The following SUPT16H variants were observed in gnomAD, a reference collection of about 807,000 sequenced individuals.
SUPT16H encodes SPT16 homolog, facilitates chromatin remodeling subunit.
In SUPT16H, 24 loss-of-function variants were observed where a neutral mutation model predicts 136.2. The observed-to-expected ratio is 0.18, with a 90% CI of 0.13 to 0.25. The LOEUF is 0.25. Ranked by LOEUF, SUPT16H falls within the 10% of genes least tolerant of loss-of-function variation. The pLI is 1.00. For synonymous variants in SUPT16H, 415 were observed against 428.2 expected (o/e 0.97, Z 0.38); for missense variants, 623 against 1,270.2 (o/e 0.49, Z 7.74).
At chr14:21,366,620 A>C in intron 7 of SUPT16H, 91 bp from the exon 8 acceptor site, 1 of 1,213,642 alleles carries the variant, frequency 8.2e-7, no homozygotes, top group Non-Finnish European at 1.2e-6. Context: ...CCCCTAAAGC[A>C]GTGTTTCTCA....
At chr14:21,360,110 T>C (rs1452768154) in intron 18 of SUPT16H, among the ~76,000 whole-genome samples, 3 of 152,136 alleles carry the variant, frequency 2.0e-5, no homozygotes, top group Non-Finnish European at 4.4e-5. Flanking sequence ...TCACTGCAAC[T>C]TCCGCCTCCC....
chr14:21,368,387 G>A lies in SUPT16H; in HGVS notation c.837C>T (p.Phe279=), dbSNP rs1266545438. ...GAACAAGGTTGGAGCAGTAAGACTT[G>A]AAGCGAATACCCATGGCACAAGTGA... ...GAITCAMGIR[F]KSYCSNLVRT... The change falls in exon 7 of 26, where the codon TTC becomes TTT. Residue 279 remains phenylalanine, a synonymous_variant. Transcript: ENST00000216297. 1 of 1,614,066 alleles carries A rather than the reference G, an allele frequency of 6.2e-7. No homozygotes were observed. Among genetic ancestry groups the A allele is most frequent in the East Asian group, 2.2e-5 (1 of 44,880 alleles).
At chr14:21,355,478 G>A (rs557448553) in intron 22 of SUPT16H, among the ~76,000 whole-genome samples, 192 of 136,230 alleles carry the variant, frequency 1.4e-3, no homozygotes, top group Non-Finnish European at 2.6e-3. Flanking sequence ...GGGCAACAGA[G>A]TGAGACTCTG....
intron 23 of SUPT16H, among the ~76,000 whole-genome samples, chr14:21,354,173 C>T (rs1886380183): frequency 6.6e-6 from 1 of 152,084 alleles, no homozygotes; most frequent in African/African-American, 2.4e-5. Flanking sequence ...AAGGATTTTT[C>T]CCTAAATGCT....
Position 21,362,968 on chromosome 14 carries a change from A to G in SUPT16H, c.1512-21T>C, listed in dbSNP as rs778405732. On this transcript the variant is annotated intron_variant, in intron 13 of 25. Transcript: ENST00000216297. The stretch of plus-strand genomic sequence containing the variant: ...GAGCTCTGGAGTGGGATAAAAAAAC[A>G]ACTGAGAAATTTCTGCAGTCCCACA... 3.7e-6 allele frequency: 6 copies of G among 1,613,020 alleles called. No individual in the cohort carries two copies. The Admixed American group carries it at 6.7e-5, about 18-fold the overall frequency.
At chr14:21,383,510 C>A (rs1459469930) in intron 1 of SUPT16H, 4 of 629,974 alleles carry the variant, frequency 6.3e-6, no homozygotes, top group Non-Finnish European at 1.1e-5. Context: ...AGGGACAGAG[C>A]GAGTGCGTGA....
intron 1 of SUPT16H, 79 bp downstream of exon 1, chr14:21,383,782 GA>G (rs750995548): frequency 1.1e-4 from 170 of 1,543,854 alleles, no homozygotes; most frequent in Non-Finnish European, 1.4e-4. Context: ...GACCGAAAGA[GA>G]AAAAAGGGCG....
At position 21,381,562 on chromosome 14, in the gene SUPT16H, GT is replaced by G. The variant is rs567730182; in HGVS notation, c.66+2299del. On this transcript the variant is annotated intron_variant, in intron 1 of 25. Transcript: ENST00000216297. ...TTTTTAGTTAATTTTAGTCATAACA[GT>G]TTTTTTTTTTAAGATGGAAGCTGAA... is the stretch of plus-strand genomic sequence containing the variant. Among the ~76,000 whole-genome samples, 466 of 144,956 alleles carry G rather than the reference GT, an allele frequency of 3.2e-3. 2 individuals are homozygous for G. The highest frequency in any genetic ancestry group is 9.5e-3 in the African/African-American group (376 of 39,772).
intron 15 of SUPT16H, 102 bp downstream of exon 15, chr14:21,362,095 A>T (rs1456739110): frequency 5.0e-6 from 7 of 1,411,404 alleles, no homozygotes; most frequent in Non-Finnish European, 6.7e-6. Context: ...GAAGGCTTTG[A>T]CATTTACTAG....
chr14:21,368,258 A>C lies in SUPT16H; in HGVS notation c.955+11T>G, dbSNP rs2139409182. On this transcript the variant is annotated intron_variant, in intron 7 of 25. Coordinates refer to ENST00000216297, the MANE Select transcript of SUPT16H (RefSeq NM_007192.4). ...CACAACTTTCAAACCTCCTTTTCTA[A>C]GGCACCTCACCATGTCTTAATTCCT... The C allele has an allele frequency of 6.2e-7, 1 of 1,601,648 alleles. No homozygotes were observed. Among genetic ancestry groups the C allele is most frequent in the East Asian group, 2.2e-5 (1 of 44,628 alleles).
chr14:21,369,637 T>C lies in SUPT16H; in HGVS notation c.630+113A>G, dbSNP rs1594305885. The stretch of plus-strand genomic sequence containing the variant: ...GGGAGATGATGTAATTACCACCAAC[T>C]TAAGTGTCAGTCTTAATTTCAAAGG... On this transcript the variant is annotated intron_variant, in intron 5 of 25. Coordinates refer to ENST00000216297, the MANE Select transcript of SUPT16H (RefSeq NM_007192.4). 34 of 1,373,160 alleles carry C rather than the reference T, an allele frequency of 2.5e-5. No individual in the cohort carries two copies. In the East Asian group the frequency reaches 7.8e-4, roughly 32 times the overall value. 85.1% of individuals were successfully genotyped at this position (1,373,160 alleles called of 1,614,324 possible).
rs150983279 is a variant in SUPT16H, at chr14:21,352,296, G to GT, written c.*376dup. 1,655 of 230,314 alleles carry GT rather than the reference G, an allele frequency of 7.2e-3. 24 individuals are homozygous for GT. Among genetic ancestry groups the GT allele is most frequent in the African/African-American group, 0.032 (1,431 of 45,316 alleles). The allele number at this position is 230,314 out of a possible 1,614,324, so 14.3% of individuals were successfully genotyped here. ...GTGCTGGTCAAGAACCATGATACGG[G>GT]TAATTAAGGGTCACCTTGTACCACT... On this transcript the variant is annotated 3_prime_UTR_variant, in exon 26 of 26. Transcript: ENST00000216297.
rs752851915 is a variant in SUPT16H, at chr14:21,352,811, T to C, written c.3006A>G (p.Arg1002=). 2.5e-6 allele frequency: 4 copies of C among 1,614,144 alleles called. No homozygotes were observed. Among genetic ancestry groups the C allele is most frequent in the Non-Finnish European group, 3.4e-6 (4 of 1,180,020 alleles). ...ELEEEARKAD[R]ESRYEEEEEQ... ...CTTCTTCTTCCTCGTAACGACTTTC[T>C]CGGTCCGCTAAATAGAAGAGGCATT... The change falls in exon 26 of 26, where the codon CGA becomes CGG. Residue 1002 remains arginine, a synonymous_variant. Coordinates refer to ENST00000216297, the MANE Select transcript of SUPT16H (RefSeq NM_007192.4).
chr14:21,363,331 A>T lies in SUPT16H; in HGVS notation c.1300-3T>A, dbSNP rs771187682. On this transcript the variant is annotated splice_region_variant and splice_polypyrimidine_tract_variant and intron_variant, in intron 11 of 25. Coordinates refer to ENST00000216297, the MANE Select transcript of SUPT16H (RefSeq NM_007192.4). ...TCCTCTTCTTCCTCATCTTCATTCT[A>T]TGGAAAAAGTCATAATCAAAAAATG... 16 of 1,604,152 alleles carry T rather than the reference A, an allele frequency of 1.0e-5. No individual in the cohort carries two copies. The African/African-American group carries it at 1.9e-4, about 19-fold the overall frequency.
intron 17 of SUPT16H, 111 bp from the exon 18 acceptor site, chr14:21,360,644 T>C (rs1400190321): frequency 3.3e-6 from 4 of 1,200,644 alleles, no homozygotes; most frequent in Non-Finnish European, 4.7e-6. Context: ...AACAGCTGTA[T>C]AGAGCTTTCC....
chr14:21,357,876 C>T (rs1451397265), intron 21 of SUPT16H, 51 bp downstream of exon 21: 5 of 1,536,124 alleles, frequency 3.3e-6, no homozygotes, highest in Non-Finnish European at 4.5e-6. Flanking sequence ...ACCTATCCTT[C>T]TTTATTTTCT....
At chr14:21,358,193 T>C (rs760668272) in intron 20 of SUPT16H, 122 bp downstream of exon 20, 3 of 823,722 alleles carry the variant, frequency 3.6e-6, no homozygotes, top group Non-Finnish European at 5.7e-6. Flanking sequence ...AATGGATGTC[T>C]CAAAGATTAT....
At chr14:21,376,222 T>C (rs888820228) in intron 1 of SUPT16H, among the ~76,000 whole-genome samples, 16 of 152,236 alleles carry the variant, frequency 1.1e-4, no homozygotes, top group African/African-American at 3.9e-4. Context: ...CACTCTTCTA[T>C]ATGCCTATCC....
At chr14:21,366,599 A>C in intron 7 of SUPT16H, 70 bp from the exon 8 acceptor site, 2 of 1,412,318 alleles carry the variant, frequency 1.4e-6, no homozygotes, top group South Asian at 2.4e-5. Flanking sequence ...TTTTAAAATC[A>C]AAATTTATGT....
Sources: gnomAD v4.1 joint callset for allele counts (sites outside exome capture counted in the v4.1 genomes callset) on GRCh38, gnomAD v4.1.1 for gene constraint, MANE v1.5 for transcripts, NCBI Gene and HGNC (gene_info 2026-07-23, HGNC 2026-07-21) for gene names.